CSTPP1: variants seen among roughly 807,000 people sequenced by gnomAD.
The protein encoded by CSTPP1 is UPF0705 protein C11orf49.
At chr11:46,988,309 C>A in the CSTPP1 span, among the ~76,000 whole-genome samples, 1 of 152,082 alleles carries the variant, frequency 6.6e-6, no homozygotes, top group South Asian at 2.1e-4. Context: ...TGGAAGCAAT[C>A]TAAGTGTCCA....
chr11:47,000,987 C>T, the CSTPP1 span, among the ~76,000 whole-genome samples: 1 of 152,052 alleles, frequency 6.6e-6, no homozygotes, highest in Non-Finnish European at 1.5e-5. Flanking sequence ...TGTAACAAGA[C>T]AAATAACAAG....
At chr11:46,975,310 A>G in the CSTPP1 span, among the ~76,000 whole-genome samples, 1 of 152,224 alleles carries the variant, frequency 6.6e-6, no homozygotes, top group Admixed American at 6.5e-5. Context: ...ATATATTTCT[A>G]TAGTGCAATA....
At chr11:46,944,822 G>A in the CSTPP1 span, among the ~76,000 whole-genome samples, 1 of 152,128 alleles carries the variant, frequency 6.6e-6, no homozygotes, top group Non-Finnish European at 1.5e-5. Flanking sequence ...TCTATCATGG[G>A]CGTTTCCCCC....
the CSTPP1 span, among the ~76,000 whole-genome samples, chr11:47,050,382 AAG>A: frequency 1.3e-5 from 2 of 152,236 alleles, no homozygotes; most frequent in African/African-American, 4.8e-5. Flanking sequence ...AGTACAGCCT[AAG>A]TGCTTACTCC....
the CSTPP1 span, among the ~76,000 whole-genome samples, chr11:47,129,205 A>G: frequency 6.6e-6 from 1 of 152,112 alleles, no homozygotes; most frequent in Non-Finnish European, 1.5e-5. Context: ...CCTGTTTCCA[A>G]AGAAAAACTG....
At chr11:46,939,017 G>A in the CSTPP1 span, among the ~76,000 whole-genome samples, 1 of 148,950 alleles carries the variant, frequency 6.7e-6, no homozygotes, top group Non-Finnish European at 1.5e-5. Context: ...GCTCAAGCAA[G>A]CCTCTTACTG....
chr11:47,065,974 CA>C, the CSTPP1 span, among the ~76,000 whole-genome samples: 2 of 34,062 alleles, frequency 5.9e-5, no homozygotes, highest in Admixed American at 2.4e-4. Flanking sequence ...TTAGGTCTAA[CA>C]GTTGTGTGTG....
At chr11:46,996,343 G>A in the CSTPP1 span, among the ~76,000 whole-genome samples, 15 of 149,924 alleles carry the variant, frequency 1.0e-4, no homozygotes, top group South Asian at 6.3e-4. Context: ...TCGCTCTGTC[G>A]CCCAGGCTGG....
chr11:47,057,604 G>A, the CSTPP1 span, among the ~76,000 whole-genome samples: 1 of 152,162 alleles, frequency 6.6e-6, no homozygotes, highest in Non-Finnish European at 1.5e-5. Flanking sequence ...TATAGGGAGA[G>A]AGATTGTCAA....
chr11:47,122,091 AATATATAT>A, the CSTPP1 span, among the ~76,000 whole-genome samples: 6 of 31,842 alleles, frequency 1.9e-4, no homozygotes, highest in Admixed American at 4.9e-4. Flanking sequence ...AAAAAAAAAA[AATATATAT>A]ATATATATAT....
At chr11:46,974,985 A>T in the CSTPP1 span, among the ~76,000 whole-genome samples, 3 of 152,000 alleles carry the variant, frequency 2.0e-5, no homozygotes, top group East Asian at 5.8e-4. Context: ...ATAAATATTA[A>T]AATAAAGAAA....
chr11:47,016,250 G>A, the CSTPP1 span, among the ~76,000 whole-genome samples: 1 of 151,904 alleles, frequency 6.6e-6, no homozygotes, highest in African/African-American at 2.4e-5. Flanking sequence ...CAGGAACAGG[G>A]CAACGATTTC....
the CSTPP1 span, chr11:47,157,734 C>A: frequency 1.4e-6 from 2 of 1,407,818 alleles, no homozygotes; most frequent in Non-Finnish European, 2.0e-6. Flanking sequence ...CTGTGGGTAT[C>A]CTCATGAACC....
At chr11:47,128,152 GGTGTGAGCCACCATGCCCA>G in the CSTPP1 span, among the ~76,000 whole-genome samples, 1 of 151,482 alleles carries the variant, frequency 6.6e-6, no homozygotes, top group Non-Finnish European at 1.5e-5. Context: ...TGGGATTACA[GGTGTGAGCCACCATGCCCA>G]GCCTTAGCCT....
chr11:47,093,059 G>A, the CSTPP1 span, among the ~76,000 whole-genome samples: 16 of 152,186 alleles, frequency 1.1e-4, no homozygotes, highest in Non-Finnish European at 2.4e-4. Flanking sequence ...GATGCCAAGG[G>A]TCCTGAGAAT....
At chr11:47,119,989 A>G in the CSTPP1 span, among the ~76,000 whole-genome samples, 1 of 152,284 alleles carries the variant, frequency 6.6e-6, no homozygotes, top group South Asian at 2.1e-4. Flanking sequence ...TTTGTCTAGT[A>G]ACCAGTGGAG....
chr11:46,990,390 G>C, the CSTPP1 span, among the ~76,000 whole-genome samples: 2 of 152,170 alleles, frequency 1.3e-5, no homozygotes, highest in Non-Finnish European at 2.9e-5. Flanking sequence ...TTTCTCTGAT[G>C]ATGAGTGATA....
the CSTPP1 span, among the ~76,000 whole-genome samples, chr11:47,049,642 G>A: frequency 1.3e-5 from 2 of 151,762 alleles, no homozygotes; most frequent in Non-Finnish European, 2.9e-5. Flanking sequence ...CAATGTCTGG[G>A]GAAAAACAAT....
chr11:47,029,410 C>A, the CSTPP1 span, among the ~76,000 whole-genome samples: 2 of 151,814 alleles, frequency 1.3e-5, no homozygotes, highest in Middle Eastern at 3.2e-3. Context: ...AGTTTGAGAC[C>A]AGTCTAGCCA....
Sources: gnomAD v4.1 joint callset for allele counts (sites outside exome capture counted in the v4.1 genomes callset) on GRCh38, gnomAD v4.1.1 for gene constraint, MANE v1.5 for transcripts, NCBI Gene and HGNC (gene_info 2026-07-23, HGNC 2026-07-21) for gene names.